The following PCDH15 variants were observed in gnomAD, a reference collection of about 807,000 sequenced individuals.
PCDH15 encodes protocadherin-15.
Under a neutral mutation model 178.5 loss-of-function variants are expected in PCDH15, and 129 were observed. The ratio of observed to expected loss-of-function variants is 0.72; its 90% CI spans 0.63 to 0.84. The LOEUF (loss-of-function observed/expected upper bound fraction) is 0.84. Among genes scored for constraint, PCDH15 ranks in the 40% least tolerant of loss-of-function variants. The probability of loss-of-function intolerance (pLI) is 0.00; values close to 1 mark genes in which losing one functional copy is unlikely to be tolerated. For missense variants in PCDH15, 2,230 were observed against 2,099.9 expected, an observed-to-expected ratio of 1.06 and a Z score of -1.21; for synonymous variants, 800 against 732.0, an observed-to-expected ratio of 1.09 and a Z score of -1.50.
chr10:54,881,044 G>T (rs1001756502), intron 3 of PCDH15, among the ~76,000 whole-genome samples: 31 of 151,908 alleles, frequency 2.0e-4, no homozygotes, highest in African/African-American at 5.8e-4. Context: ...ACATAGGAAG[G>T]CTTGAATTTA....
At chr10:55,559,629 T>C (rs545391232) in intron 2 of PCDH15, among the ~76,000 whole-genome samples, 2 of 152,068 alleles carry the variant, frequency 1.3e-5, no homozygotes, top group African/African-American at 4.8e-5. Context: ...ATGTAAAAAT[T>C]GTGTTCCATG....
At chr10:54,259,098 ATTAC>A (rs879264529) in intron 8 of PCDH15, among the ~76,000 whole-genome samples, 5,117 of 152,286 alleles carry the variant, frequency 0.034, 215 homozygotes, top group African/African-American at 0.097. Context: ...AGTGACCTAA[ATTAC>A]TTTAAAGGTA....
intron 3 of PCDH15, among the ~76,000 whole-genome samples, chr10:54,878,809 T>C (rs1954202620): frequency 6.6e-6 from 1 of 152,108 alleles, no homozygotes; most frequent in South Asian, 2.1e-4. Flanking sequence ...ATATTCTCCT[T>C]GATGCTCTCC....
At chr10:55,341,805 ATTTTTTTTTTTTTTTTTTTT>A (rs869187882) in intron 2 of PCDH15, among the ~76,000 whole-genome samples, 1 of 16,330 alleles carries the variant, frequency 6.1e-5, no homozygotes, top group African/African-American at 2.2e-4. Flanking sequence ...ATATATATAT[ATTTTTTTTTTTTTTTTTTTT>A]TTTTTTAGTA....
intron 2 of PCDH15, among the ~76,000 whole-genome samples, chr10:55,139,811 A>C (rs1838298754): frequency 6.6e-6 from 1 of 151,936 alleles, no homozygotes; most frequent in African/African-American, 2.4e-5. Context: ...TAATCTATAT[A>C]ATATAAAATC....
At chr10:54,651,808 A>G (rs1482265503) in intron 2 of PCDH15, among the ~76,000 whole-genome samples, 1 of 152,240 alleles carries the variant, frequency 6.6e-6, no homozygotes, top group Non-Finnish European at 1.5e-5. Flanking sequence ...AGAGATAGTT[A>G]TACAGTTCTG....
intron 1 of PCDH15, among the ~76,000 whole-genome samples, chr10:54,774,839 CT>C (rs995318691): frequency 6.6e-6 from 1 of 152,030 alleles, no homozygotes; most frequent in South Asian, 2.1e-4. Context: ...ACATTTACTC[CT>C]TTTTTTCATA....
intron 18 of PCDH15, among the ~76,000 whole-genome samples, chr10:54,036,559 A>G (rs1315412331): frequency 6.6e-6 from 1 of 151,848 alleles, no homozygotes; most frequent in Admixed American, 6.6e-5. Context: ...TTTTAAGCCC[A>G]TGGTTGAGTC....
rs555573260 is a variant in PCDH15, at chr10:55,496,167, T to C, written c.-156+131458A>G. Among the ~76,000 whole-genome samples the C allele has an allele frequency of 3.3e-5, 5 of 151,944 alleles. No homozygotes were observed. In the South Asian group the frequency reaches 1.0e-3, roughly 31 times the overall value. On this transcript the variant is annotated intron_variant, in intron 2 of 5. Coordinates refer to the PCDH15 transcript ENST00000613346. ...TTGTACATTTTAAATGGGTGAATTG[T>C]ATATGAGTTATATCTCAATAAAACT...
chr10:54,624,461 C>T (rs1176357664), intron 2 of PCDH15, among the ~76,000 whole-genome samples: 2 of 152,286 alleles, frequency 1.3e-5, no homozygotes, highest in Middle Eastern at 3.4e-3. Flanking sequence ...AATAGCAAGA[C>T]AGATCTTAGT....
At chr10:54,756,215 A>C (rs1947090548) in intron 1 of PCDH15, among the ~76,000 whole-genome samples, 1 of 152,036 alleles carries the variant, frequency 6.6e-6, no homozygotes, top group South Asian at 2.1e-4. Flanking sequence ...ACGCCATTGC[A>C]CTCCAGCCTG....
chr10:55,334,970 T>C (rs1844341903), intron 2 of PCDH15, among the ~76,000 whole-genome samples: 1 of 152,190 alleles, frequency 6.6e-6, no homozygotes, highest in African/African-American at 2.4e-5. Flanking sequence ...ATATTTTCAT[T>C]AATAAAAACC....
At chr10:54,878,510 A>G (rs1421757459) in intron 3 of PCDH15, among the ~76,000 whole-genome samples, 1 of 152,148 alleles carries the variant, frequency 6.6e-6, no homozygotes, top group Non-Finnish European at 1.5e-5. Context: ...TTCGACTTTG[A>G]GGAGATTCAA....
chr10:54,643,079 C>T (rs545620282), intron 2 of PCDH15, among the ~76,000 whole-genome samples: 18 of 152,042 alleles, frequency 1.2e-4, no homozygotes, highest in African/African-American at 2.2e-4. Context: ...CCTGCCAGCA[C>T]GCCCAGCTAA....
intron 2 of PCDH15, among the ~76,000 whole-genome samples, chr10:55,111,973 G>A (rs1274487311): frequency 5.9e-5 from 9 of 152,144 alleles, no homozygotes; most frequent in South Asian, 2.1e-4. Flanking sequence ...ATACATAATA[G>A]TATATTGATA....
chr10:54,001,622 C>T (rs1031285231), intron 20 of PCDH15, among the ~76,000 whole-genome samples: 2 of 151,790 alleles, frequency 1.3e-5, no homozygotes, highest in African/African-American at 4.8e-5. Context: ...AGTATACTAC[C>T]TTCACTTAAA....
At chr10:55,000,541 A>G (rs1372019566) in intron 2 of PCDH15, among the ~76,000 whole-genome samples, 1 of 152,158 alleles carries the variant, frequency 6.6e-6, no homozygotes, top group Non-Finnish European at 1.5e-5. Flanking sequence ...CTGAGGCGAC[A>G]TACGTCCTCC....
At chr10:54,746,064 T>C (rs1380530749) in intron 1 of PCDH15, among the ~76,000 whole-genome samples, 3 of 152,094 alleles carry the variant, frequency 2.0e-5, no homozygotes, top group African/African-American at 4.8e-5. Flanking sequence ...ATTTGTTAGG[T>C]GATTGAATGT....
intron 21 of PCDH15, among the ~76,000 whole-genome samples, chr10:53,991,262 C>T (rs947885183): frequency 6.6e-6 from 1 of 152,214 alleles, no homozygotes; most frequent in Non-Finnish European, 1.5e-5. Flanking sequence ...CTAGCCAAAG[C>T]CAGCTGGGCT....
Sources: allele counts gnomAD v4.1 joint callset (sites outside exome capture counted in the v4.1 genomes callset), GRCh38; gene constraint gnomAD v4.1.1; transcripts MANE v1.5; gene names NCBI Gene and HGNC (gene_info 2026-07-23, HGNC 2026-07-21).